LACTBL1: variants seen among roughly 807,000 people sequenced by gnomAD.
LACTBL1 encodes the protein beta-lactamase-like protein 1.
In LACTBL1, 29 loss-of-function variants were observed where a neutral mutation model predicts 39.6. That is an observed-to-expected ratio of 0.73 (90% CI 0.55 to 1.00). The LOEUF (loss-of-function observed/expected upper bound fraction) is 1.00, where lower values mean the gene tolerates loss of function less well. LACTBL1 is among the 50% of genes least tolerant of loss of function. The pLI, the probability that LACTBL1 is intolerant of heterozygous loss-of-function variation, is 0.00. For missense variants in LACTBL1, 711 were observed against 748.5 expected (o/e 0.95, Z 0.59); for synonymous variants, 361 against 360.7 (o/e 1.00, Z -0.01).
the LACTBL1 span, chr1:22,972,410 G>A: frequency 1.0e-6 from 1 of 985,088 alleles, no homozygotes; most frequent in Non-Finnish European, 1.2e-6. Context: ...GAGGAGTGAA[G>A]GCAAAAAGAG....
At position 22,958,673 on chromosome 1, in the gene LACTBL1, T is replaced by G. The variant is rs1055813752; in HGVS notation, c.553+12A>C. 26 of 1,534,656 alleles carry G rather than the reference T, an allele frequency of 1.7e-5. No individual in the cohort carries two copies. The highest frequency in any genetic ancestry group is 2.2e-5 in the Non-Finnish European group (25 of 1,137,538). On this transcript the variant is annotated intron_variant, in intron 4 of 5. Transcript: ENST00000426928. ...ATGGTTTGGGTCAGCCTGAGTCAGTTCTGAGACTCACCTGAGAGCTGGCTG... is the reference window on the plus strand; with the variant it reads ...ATGGTTTGGGTCAGCCTGAGTCAGTGCTGAGACTCACCTGAGAGCTGGCTG...
In LACTBL1 at chr1:22,953,671, CCCGGGCA is replaced by C; in HGVS notation, c.1006_1012del (p.Cys336AlafsTer101). The C allele has an allele frequency of 7.8e-7, 1 of 1,274,182 alleles. No individual in the cohort carries two copies. Among genetic ancestry groups the C allele is most frequent in the Non-Finnish European group, 9.9e-7 (1 of 1,014,834 alleles). 78.9% of individuals were successfully genotyped at this position (1,274,182 alleles called of 1,614,324 possible). On this transcript the variant is annotated frameshift_variant, in exon 6 of 6. Transcript: ENST00000426928. LOFTEE classifies it high-confidence loss of function. ...GCCCGTCTCGTTGGCGAAGTAGGCG[CCCGGGCA>C]GGCCAGCAGCGGCGCCAGCAGCGTC... is the stretch of plus-strand genomic sequence containing the variant.
exon 3 of LACTBL1, chr1:22,960,058 C>T (rs1640804156): frequency 8.4e-6 from 13 of 1,550,596 alleles, no homozygotes; most frequent in Admixed American, 3.9e-5. Context: ...ACATGGCAGC[C>T]ACGCCTGGGG....
At chr1:22,953,882 C>T in exon 6 of LACTBL1, 2 of 1,549,508 alleles carry the variant, frequency 1.3e-6, no homozygotes, top group East Asian at 2.4e-5. Flanking sequence ...GCGCGCACGT[C>T]GGGCGTGAGG....
At chr1:22,963,985 A>C (rs1379934125) in intron 1 of LACTBL1, among the ~76,000 whole-genome samples, 1 of 152,076 alleles carries the variant, frequency 6.6e-6, no homozygotes, top group African/African-American at 2.4e-5. Flanking sequence ...CAATGGTGCG[A>C]TCTCAGCTCA....
upstream of LACTBL1, among the ~76,000 whole-genome samples, chr1:22,967,070 C>CA (rs1258623208): frequency 1.3e-5 from 2 of 151,990 alleles, no homozygotes; most frequent in Non-Finnish European, 2.9e-5. Context: ...CCTTTCTCTA[C>CA]AAAAAAATTA....
intron 5 of LACTBL1, among the ~76,000 whole-genome samples, chr1:22,954,420 C>G (rs1640742093): frequency 6.6e-6 from 1 of 152,196 alleles, no homozygotes; most frequent in African/African-American, 2.4e-5. Flanking sequence ...CAAGGTCTCA[C>G]CCCTCCCTTC....
chr1:22,958,639 C>G (rs1640785435), intron 4 of LACTBL1, 46 bp downstream of exon 6: 2 of 1,445,404 alleles, frequency 1.4e-6, no homozygotes, highest in East Asian at 5.0e-5. Context: ...CTCAGCTTCC[C>G]CACCTGAAAT....
At chr1:22,972,139 AGATGAT>A in the LACTBL1 span, among the ~76,000 whole-genome samples, 10,695 of 148,260 alleles carry the variant, frequency 0.072, 1,087 homozygotes, top group African/African-American at 0.23. Flanking sequence ...CAAGCTCTAG[AGATGAT>A]GATGATGATG....
intron 2 of LACTBL1, among the ~76,000 whole-genome samples, chr1:22,961,035 C>T (rs534880419): frequency 2.0e-5 from 3 of 152,280 alleles, no homozygotes; most frequent in African/African-American, 7.2e-5. Flanking sequence ...CCACCTCAGC[C>T]TCCCAACATG....
At chr1:22,962,310 A>G (rs1039549086) in intron 2 of LACTBL1, among the ~76,000 whole-genome samples, 1 of 151,964 alleles carries the variant, frequency 6.6e-6, no homozygotes, top group Non-Finnish European at 1.5e-5. Flanking sequence ...CCTTCTCAGC[A>G]CTCAACAGCC....
At chr1:22,954,230 G>A (rs970605902) in intron 5 of LACTBL1, among the ~76,000 whole-genome samples, 1 of 152,180 alleles carries the variant, frequency 6.6e-6, no homozygotes, top group Non-Finnish European at 1.5e-5. Context: ...AGAGGGGCGG[G>A]GAATTGCCCA....
At chr1:22,958,869 C>A in exon 4 of LACTBL1, 2 of 1,550,530 alleles carry the variant, frequency 1.3e-6, no homozygotes, top group Non-Finnish European at 1.7e-6. Context: ...TGCCCTCCTC[C>A]CACAGACGGT....
chr1:22,955,035 C>T (rs1192033799), intron 5 of LACTBL1, among the ~76,000 whole-genome samples: 1 of 152,256 alleles, frequency 6.6e-6, no homozygotes, highest in African/African-American at 2.4e-5. Flanking sequence ...GCAAACTCCA[C>T]GAGGAGCAAA....
intron 1 of LACTBL1, among the ~76,000 whole-genome samples, chr1:22,963,561 G>A (rs1640848464): frequency 6.6e-6 from 1 of 152,202 alleles, no homozygotes; most frequent in Non-Finnish European, 1.5e-5. Flanking sequence ...CTGACCTGCT[G>A]TCGTCCTGAT....
intron 1 of LACTBL1, among the ~76,000 whole-genome samples, chr1:22,963,699 G>A (rs1325021627): frequency 1.3e-5 from 2 of 152,214 alleles, no homozygotes; most frequent in African/African-American, 2.4e-5. Flanking sequence ...TTGTCCGGGT[G>A]TGTGGCTTCC....
At chr1:22,967,532 G>A (rs555292551), upstream of LACTBL1, among the ~76,000 whole-genome samples, 1 of 151,750 alleles carries the variant, frequency 6.6e-6, no homozygotes, top group Non-Finnish European at 1.5e-5. Context: ...GGATGACAGA[G>A]CAAGACCCTG....
At chr1:22,959,817 C>T (rs1328649875) in intron 3 of LACTBL1, 125 bp downstream of exon 5, 2 of 1,168,454 alleles carry the variant, frequency 1.7e-6, no homozygotes, top group African/African-American at 3.1e-5. Flanking sequence ...ACTGTCAAGA[C>T]TTCATAATAG....
At chr1:22,954,133 C>A (rs1570497448) in intron 5 of LACTBL1, 109 bp from the exon 8 acceptor site, 1 of 1,441,056 alleles carries the variant, frequency 6.9e-7, no homozygotes. Context: ...GGAACCTGCT[C>A]CCCTGCATCC....
Sources: gnomAD v4.1 joint callset for allele counts (sites outside exome capture counted in the v4.1 genomes callset) on GRCh38, gnomAD v4.1.1 for gene constraint, MANE v1.5 for transcripts, NCBI Gene and HGNC (gene_info 2026-07-23, HGNC 2026-07-21) for gene names.